Variants in PUM1 observed in about 807,000 individuals in gnomAD.
PUM1 encodes pumilio RNA binding family member 1, also known as pumilio homolog 1.
A neutral mutation model predicts 131.8 loss-of-function variants in PUM1; 13 were observed. The ratio of observed to expected loss-of-function variants is 0.10; its 90% CI spans 0.06 to 0.16. The LOEUF is 0.16. Ranked by LOEUF, PUM1 falls within the 10% of genes least tolerant of loss-of-function variation. PUM1 has a pLI of 1.00. For missense variants in PUM1, 961 were observed against 1,512.4 expected, an observed-to-expected ratio of 0.64 and a Z score of 6.05; for synonymous variants, 509 against 556.5, an observed-to-expected ratio of 0.91 and a Z score of 1.20.
rs369299545 is a variant in PUM1, at chr1:31,032,729, C to T, written c.364-3865G>A. The stretch of plus-strand genomic sequence containing the variant: ...GGCTAAAGCAGGAGGACTGCTTGAG[C>T]CTCGGAGATGGAGGCTGCAATGAGC... On this transcript the variant is annotated intron_variant, in intron 2 of 21. Transcript: ENST00000426105. Among the ~76,000 whole-genome samples the T allele has an allele frequency of 7.4e-4, 113 of 152,262 alleles. 1 individual carries two copies. The highest frequency in any genetic ancestry group is 2.6e-3 in the African/African-American group (107 of 41,546).
At chr1:31,060,899 A>T (rs1029716041) in intron 1 of PUM1, among the ~76,000 whole-genome samples, 15 of 151,614 alleles carry the variant, frequency 9.9e-5, no homozygotes, top group South Asian at 4.1e-4. Flanking sequence ...AAAAAAAAAA[A>T]AAATAATAAA....
intron 14 of PUM1, among the ~76,000 whole-genome samples, chr1:30,956,187 T>C (rs184077602): frequency 1.1e-3 from 168 of 152,268 alleles, no homozygotes; most frequent in Non-Finnish European, 3.8e-4. Context: ...TGAATTCAAA[T>C]GAAAAGTGAT....
chr1:30,952,480 A>C, intron 15 of PUM1, 117 bp from the exon 16 acceptor site: 1 of 1,415,320 alleles, frequency 7.1e-7, no homozygotes, highest in Non-Finnish European at 9.6e-7. Flanking sequence ...GCATGTGTGC[A>C]CACACATGCA....
chr1:30,933,258 C>T lies in PUM1; in HGVS notation c.3520G>A (p.Gly1174Ser), dbSNP rs1282058031. 5 of 1,613,786 alleles carry T rather than the reference C, an allele frequency of 3.1e-6. No homozygotes were observed. The highest frequency in any genetic ancestry group is 3.4e-6 in the Non-Finnish European group (4 of 1,179,886). ...CCACAGATGGGCCCTAAGTCAACAC[C>T]GTTCTTCATGTAGTACTTCTCCAGC... ...AKLEKYYMKN[G>S]VDLGPICGPP... Residue 1174 changes from glycine to serine, a missense_variant, in exon 22 of 22, where the codon GGT becomes AGT. By Grantham distance (56) the Gly-to-Ser change is moderately conservative. Coordinates refer to ENST00000426105, the MANE Select transcript of PUM1 (RefSeq NM_001020658.2).
At chr1:30,952,502 A>G in intron 15 of PUM1, 139 bp from the exon 16 acceptor site, 1 of 1,273,470 alleles carries the variant, frequency 7.9e-7, no homozygotes, top group South Asian at 1.5e-5. Flanking sequence ...ACAATAAACC[A>G]AACTTTATTT....
chr1:30,953,294 C>A (rs537125335), intron 15 of PUM1, among the ~76,000 whole-genome samples: 1 of 152,328 alleles, frequency 6.6e-6, no homozygotes, highest in African/African-American at 2.4e-5. Context: ...GGACCAGATT[C>A]GCTTTCTGTG....
intron 10 of PUM1, among the ~76,000 whole-genome samples, chr1:30,969,580 T>C (rs1640788330): frequency 6.6e-6 from 1 of 152,022 alleles, no homozygotes; most frequent in Admixed American, 6.5e-5. Flanking sequence ...TCCACAAACA[T>C]ACGCATTAGT....
chr1:31,047,568 T>G (rs1003078652), intron 2 of PUM1, among the ~76,000 whole-genome samples: 1 of 152,230 alleles, frequency 6.6e-6, no homozygotes, highest in Non-Finnish European at 1.5e-5. Flanking sequence ...CAAATGCTGT[T>G]GCCTGAGAGA....
chr1:30,936,963 A>G, intron 20 of PUM1, 128 bp from the exon 21 acceptor site: 1 of 754,964 alleles, frequency 1.3e-6, no homozygotes. Flanking sequence ...TTTGAGGAAG[A>G]TGAGTCGCCA....
chr1:31,009,767 C>CAAAAAAAAAAAA (rs751375199), intron 3 of PUM1, among the ~76,000 whole-genome samples: 7 of 54,626 alleles, frequency 1.3e-4, no homozygotes, highest in African/African-American at 3.2e-4. Context: ...GACTCTGTCT[C>CAAAAAAAAAAAA]AAAAAAAAAA....
intron 15 of PUM1, 112 bp downstream of exon 15, chr1:30,953,602 G>A (rs935978755): frequency 2.8e-5 from 33 of 1,182,792 alleles, no homozygotes; most frequent in Admixed American, 6.5e-5. Context: ...TAAGAGGCAC[G>A]CTTTTAAAAA....
chr1:31,052,892 C>T (rs1344505777), intron 2 of PUM1, among the ~76,000 whole-genome samples: 2 of 151,760 alleles, frequency 1.3e-5, no homozygotes, highest in African/African-American at 2.4e-5. Context: ...TTAGTAGACA[C>T]GGGGTTTCAT....
chr1:31,029,261 G>C (rs1433170246), intron 2 of PUM1, among the ~76,000 whole-genome samples: 1 of 152,152 alleles, frequency 6.6e-6, no homozygotes, highest in Non-Finnish European at 1.5e-5. Flanking sequence ...CCCCAGTTGT[G>C]AACAGTTAAG....
chr1:31,054,528 G>A (rs1425622347), intron 2 of PUM1, among the ~76,000 whole-genome samples: 1 of 124,776 alleles, frequency 8.0e-6, no homozygotes, highest in African/African-American at 3.4e-5. Flanking sequence ...TTATGCCAAA[G>A]GGCCACTAAA....
At chr1:31,022,211 G>A (rs375441577) in intron 3 of PUM1, among the ~76,000 whole-genome samples, 20 of 151,964 alleles carry the variant, frequency 1.3e-4, no homozygotes, top group East Asian at 5.8e-4. Context: ...AAACCTACTG[G>A]GAGATTCATA....
chr1:30,974,679 G>A lies in PUM1; in HGVS notation c.1478C>T (p.Thr493Ile). Reference sequence around the variant, plus strand: ...CTGCTGTCCTTGCTGAGCCTGTGGGGTGGTCTGTTGATTAGCTGAATTAGT... The same window carrying A: ...CTGCTGTCCTTGCTGAGCCTGTGGGATGGTCTGTTGATTAGCTGAATTAGT... ...AATNSANQQT[T>I]PQAQQGQQQV... Residue 493 changes from threonine to isoleucine, a missense_variant, in exon 10 of 22, where the codon ACC (threonine) becomes ATC (isoleucine). Thr to Ile is a moderately conservative substitution (Grantham distance 89). Transcript: ENST00000426105. 1 of 1,609,524 alleles carries A rather than the reference G, an allele frequency of 6.2e-7. No individual in the cohort carries two copies. The highest frequency in any genetic ancestry group is 8.5e-7 in the Non-Finnish European group (1 of 1,178,466).
In PUM1 at chr1:31,057,212, T is replaced by C. The variant is rs1007608127; in HGVS notation, c.363+1992A>G. On this transcript the variant is annotated intron_variant, in intron 2 of 21. Coordinates refer to ENST00000426105, the MANE Select transcript of PUM1 (RefSeq NM_001020658.2). ...GTGAGCCTGGGCTCAAAGTAGAGCC[T>C]GGCCAACATGGCAAAACCCCGTCTC... 3.2e-4 allele frequency among the ~76,000 whole-genome samples: 48 copies of C among 151,842 alleles called. 1 individual carries two copies. Among genetic ancestry groups the C allele is most frequent in the African/African-American group, 1.2e-3 (48 of 41,314 alleles).
At chr1:31,063,721 G>A (rs994052484) in intron 1 of PUM1, among the ~76,000 whole-genome samples, 2 of 152,094 alleles carry the variant, frequency 1.3e-5, no homozygotes, top group African/African-American at 4.8e-5. Context: ...AAGGAATGGG[G>A]GAAAGAAAAG....
chr1:30,953,869 G>A lies in PUM1; in HGVS notation c.2436C>T (p.Phe812=), dbSNP rs777394620. 6.2e-7 allele frequency: 1 copy of A among 1,614,250 alleles called. No individual in the cohort carries two copies. The highest frequency in any genetic ancestry group is 8.5e-7 in the Non-Finnish European group (1 of 1,180,046). ...SSLFSPSSTL[F]SSSRLRYGMS... ...TTCCATATCGCAAACGAGAGGAAGA[G>A]AAAAGAGTGCTGCTCGGGCTGAAGA... The change falls in exon 15 of 22, where the codon TTC becomes TTT. Residue 812 remains phenylalanine (F), a synonymous_variant. Coordinates refer to ENST00000426105, the MANE Select transcript of PUM1 (RefSeq NM_001020658.2).
Sources: gnomAD v4.1 joint callset for allele counts (sites outside exome capture counted in the v4.1 genomes callset) on GRCh38, gnomAD v4.1.1 for gene constraint, MANE v1.5 for transcripts, NCBI Gene and HGNC (gene_info 2026-07-23, HGNC 2026-07-21) for gene names.